PKIA: variants seen among roughly 807,000 people sequenced by gnomAD.
PKIA encodes cAMP-dependent protein kinase inhibitor alpha, also known as PKI-alpha.
A neutral mutation model predicts 7.6 loss-of-function variants in PKIA; 4 were observed. The observed-to-expected ratio is 0.52, with a 90% confidence interval of 0.26 to 1.20. PKIA has a LOEUF of 1.20. Ranked by LOEUF, PKIA falls within the 50% of genes most tolerant of loss-of-function variation. The probability of loss-of-function intolerance (pLI) is 0.13; values close to 1 mark genes in which losing one functional copy is unlikely to be tolerated. For synonymous variants in PKIA, 21 were observed against 30.7 expected (o/e 0.68, Z 1.04); for missense variants, 73 against 86.2 (o/e 0.85, Z 0.61).
At chr8:78,527,386 G>T in intron 1 of PKIA, among the ~76,000 whole-genome samples, 1 of 151,946 alleles carries the variant, frequency 6.6e-6, no homozygotes. Flanking sequence ...ATGTATATGT[G>T]TATCTATGTA....
At chr8:78,599,866 T>C (rs1585934974) in intron 3 of PKIA, among the ~76,000 whole-genome samples, 1 of 151,682 alleles carries the variant, frequency 6.6e-6, no homozygotes, top group East Asian at 1.9e-4. Flanking sequence ...AATTTCTTCT[T>C]TTTCTATTTT....
intron 1 of PKIA, among the ~76,000 whole-genome samples, chr8:78,520,675 C>CT (rs995036296): frequency 1.6e-4 from 24 of 152,198 alleles, no homozygotes; most frequent in Non-Finnish European, 1.5e-4. Flanking sequence ...CTTTCCAGTG[C>CT]TTTTTAAACT....
At chr8:78,547,409 G>C (rs1806855543) in intron 1 of PKIA, among the ~76,000 whole-genome samples, 1 of 152,032 alleles carries the variant, frequency 6.6e-6, no homozygotes, top group South Asian at 2.1e-4. Context: ...GGCCTTACCA[G>C]TATTTTTAAA....
At position 78,603,076 on chromosome 8, in the gene PKIA, C is replaced by A. The variant is rs1054716434; in HGVS notation, c.*1255C>A. On this transcript the variant is annotated 3_prime_UTR_variant, in exon 4 of 4. Coordinates refer to ENST00000396418, the MANE Select transcript of PKIA (RefSeq NM_006823.4). Reference sequence around the variant, plus strand: ...ATTATCATTAGAAGCTAACAAAATTCTCATTAATACTGTGTTTGATGGCCT... The same window carrying A: ...ATTATCATTAGAAGCTAACAAAATTATCATTAATACTGTGTTTGATGGCCT... 3.9e-5 allele frequency: 6 copies of A among 152,362 alleles called. No homozygotes were observed. Among genetic ancestry groups the A allele is most frequent in the Non-Finnish European group, 7.4e-5 (5 of 67,934 alleles). 9.4% of individuals were successfully genotyped at this position (152,362 alleles called of 1,614,324 possible). A position where few individuals can be genotyped will look rare whatever the true frequency, so the allele number is the denominator to read the frequency against.
At chr8:78,526,677 T>C (rs1318895864) in intron 1 of PKIA, among the ~76,000 whole-genome samples, 1 of 151,936 alleles carries the variant, frequency 6.6e-6, no homozygotes, top group East Asian at 1.9e-4. Context: ...GCCCGAAGAA[T>C]TTACAGAGAC....
At chr8:78,531,792 G>C (rs999137450) in intron 1 of PKIA, among the ~76,000 whole-genome samples, 5 of 152,108 alleles carry the variant, frequency 3.3e-5, no homozygotes, top group African/African-American at 1.2e-4. Flanking sequence ...AAGGAGGAGA[G>C]AGAGGGAAGA....
chr8:78,575,003 CA>C (rs1807640208), intron 2 of PKIA, among the ~76,000 whole-genome samples: 2 of 151,890 alleles, frequency 1.3e-5, no homozygotes, highest in Non-Finnish European at 2.9e-5. Flanking sequence ...TCTCTAAGTA[CA>C]AAATTTTCAT....
rs571770830 is a variant in PKIA at position 78,537,117 on chromosome 8, T to C, written c.-157+20649T>C. Among the ~76,000 whole-genome samples, 4 of 151,864 alleles carry C rather than the reference T, an allele frequency of 2.6e-5. No individual in the cohort carries two copies. In the South Asian group the frequency reaches 8.3e-4, roughly 32 times the overall value. On this transcript the variant is annotated intron_variant, in intron 1 of 3. Transcript: ENST00000396418. ...GGGATCTATAGGCCACTTCCTTTGA[T>C]AAACCTCTGTACCAGCTCTTTTCTT...
chr8:78,592,214 T>A (rs1808116933), intron 2 of PKIA, among the ~76,000 whole-genome samples: 1 of 152,162 alleles, frequency 6.6e-6, no homozygotes, highest in Non-Finnish European at 1.5e-5. Context: ...AGAGAAAATC[T>A]GGAGTATACA....
intron 1 of PKIA, among the ~76,000 whole-genome samples, chr8:78,524,006 A>G (rs1348807455): frequency 7.6e-6 from 1 of 131,766 alleles, no homozygotes; most frequent in Non-Finnish European, 1.6e-5. Flanking sequence ...ACATTTATAT[A>G]TAAATATATA....
At chr8:78,553,567 A>C (rs947280902) in intron 1 of PKIA, among the ~76,000 whole-genome samples, 1 of 151,918 alleles carries the variant, frequency 6.6e-6, no homozygotes, top group Non-Finnish European at 1.5e-5. Flanking sequence ...ACACTGTTAG[A>C]ATATTAGGCA....
At chr8:78,583,498 A>G (rs1807871610) in intron 2 of PKIA, among the ~76,000 whole-genome samples, 1 of 152,162 alleles carries the variant, frequency 6.6e-6, no homozygotes, top group Admixed American at 6.5e-5. Context: ...TGCAAGTATT[A>G]GCTGTAAGAA....
chr8:78,576,561 GT>G (rs1298117578), intron 2 of PKIA, among the ~76,000 whole-genome samples: 2 of 151,744 alleles, frequency 1.3e-5, no homozygotes, highest in African/African-American at 2.4e-5. Context: ...TTAGCCACGT[GT>G]TTTTTTGAAA....
intron 2 of PKIA, among the ~76,000 whole-genome samples, chr8:78,583,309 C>T (rs1380339275): frequency 6.6e-6 from 1 of 152,094 alleles, no homozygotes; most frequent in African/African-American, 2.4e-5. Flanking sequence ...TAATATTTTT[C>T]CCAACATCAG....
intron 1 of PKIA, among the ~76,000 whole-genome samples, chr8:78,542,794 A>G (rs1806729644): frequency 1.3e-5 from 2 of 152,110 alleles, no homozygotes; most frequent in Non-Finnish European, 2.9e-5. Context: ...TCCCAGTCAT[A>G]CCACCATAGT....
intron 1 of PKIA, among the ~76,000 whole-genome samples, chr8:78,572,132 T>C (rs920988292): frequency 6.6e-6 from 1 of 152,078 alleles, no homozygotes; most frequent in Non-Finnish European, 1.5e-5. Flanking sequence ...CCTTTTTGCA[T>C]AATTTGCTTC....
At chr8:78,577,122 A>G (rs566484669) in intron 2 of PKIA, among the ~76,000 whole-genome samples, 179 of 152,126 alleles carry the variant, frequency 1.2e-3, no homozygotes, top group African/African-American at 3.4e-3. Context: ...TTTTTTAATT[A>G]TACTTTAAGT....
At chr8:78,559,492 AAG>A (rs1807233805) in intron 1 of PKIA, among the ~76,000 whole-genome samples, 1 of 152,346 alleles carries the variant, frequency 6.6e-6, no homozygotes, top group East Asian at 1.9e-4. Context: ...ATGAAAACTG[AAG>A]AGTTATACCT....
rs1199082640 is a variant in PKIA, at chr8:78,603,235, T to G, written c.*1414T>G. On this transcript the variant is annotated 3_prime_UTR_variant, in exon 4 of 4. Transcript: ENST00000396418. ...AGTAATATGCCAATGGTTCATGAATTACTGGACAAATAGCAGACAATGGGA... is the reference window on the plus strand; with the variant it reads ...AGTAATATGCCAATGGTTCATGAATGACTGGACAAATAGCAGACAATGGGA... 1 of 152,390 alleles carries G rather than the reference T, an allele frequency of 6.6e-6. No individual in the cohort carries two copies. Among genetic ancestry groups the G allele is most frequent in the East Asian group, 1.9e-4 (1 of 5,182 alleles). The allele number at this position is 152,390 out of a possible 1,614,324, so 9.4% of individuals were successfully genotyped here. A position where few individuals can be genotyped will look rare whatever the true frequency, so the allele number is the denominator to read the frequency against.
Sources: allele counts gnomAD v4.1 joint callset (sites outside exome capture counted in the v4.1 genomes callset), GRCh38; gene constraint gnomAD v4.1.1; transcripts MANE v1.5; gene names NCBI Gene and HGNC (gene_info 2026-07-23, HGNC 2026-07-21).